Variants in DOK6 observed in about 807,000 individuals in gnomAD.
DOK6 encodes the protein downstream of tyrosine kinase 6.
In DOK6, 22 loss-of-function variants were observed where a neutral mutation model predicts 44.0. That is an observed-to-expected ratio of 0.50 (90% confidence interval 0.36 to 0.71). DOK6 has a LOEUF of 0.71. Among genes scored for constraint, DOK6 ranks in the 30% least tolerant of loss-of-function variants. DOK6 has a pLI of 0.00. For missense variants in DOK6, 340 were observed against 416.4 expected, an observed-to-expected ratio of 0.82 and a Z score of 1.60; for synonymous variants, 166 against 145.5, an observed-to-expected ratio of 1.14 and a Z score of -1.01.
intron 3 of DOK6, among the ~76,000 whole-genome samples, chr18:69,612,255 T>A (rs1984160743): frequency 1.3e-5 from 2 of 149,050 alleles, no homozygotes; most frequent in South Asian, 2.1e-4. Context: ...GCGGAAAAAA[T>A]TGTTTTCCTT....
chr18:69,420,112 T>G lies in DOK6; in HGVS notation c.66+18802T>G, dbSNP rs1303047246. ...TGTGAACATACTAAAATTTAGCTTT[T>G]TAACCAATAAAACATACAAAAAAAC... On this transcript the variant is annotated intron_variant, in intron 1 of 7. Transcript: ENST00000382713. Among the ~76,000 whole-genome samples the G allele has an allele frequency of 3.9e-5, 6 of 152,134 alleles. No individual in the cohort carries two copies. In the East Asian group the frequency reaches 1.2e-3, roughly 29 times the overall value.
At chr18:69,810,264 C>G (rs1981183498) in intron 7 of DOK6, among the ~76,000 whole-genome samples, 1 of 151,926 alleles carries the variant, frequency 6.6e-6, no homozygotes, top group South Asian at 2.1e-4. Flanking sequence ...TATCCACATG[C>G]AGAAGAATGA....
chr18:69,528,033 G>C (rs1038926957), intron 1 of DOK6, among the ~76,000 whole-genome samples: 7 of 151,768 alleles, frequency 4.6e-5, no homozygotes, highest in Admixed American at 1.3e-4. Flanking sequence ...CATGATGGTG[G>C]GTGCCTGTAG....
chr18:69,715,942 T>C (rs1473532451), intron 5 of DOK6, among the ~76,000 whole-genome samples: 4 of 152,204 alleles, frequency 2.6e-5, no homozygotes, highest in Admixed American at 2.6e-4. Flanking sequence ...ATGAAGATAA[T>C]TGGCAAAACT....
chr18:69,447,455 T>C (rs1979329092), intron 1 of DOK6, among the ~76,000 whole-genome samples: 1 of 152,214 alleles, frequency 6.6e-6, no homozygotes, highest in African/African-American at 2.4e-5. Flanking sequence ...TTGGTTACTG[T>C]AGCCTTGTAG....
chr18:69,564,546 A>G lies in DOK6; in HGVS notation c.126A>G (p.Leu42=). 1.2e-6 allele frequency: 2 copies of G among 1,613,966 alleles called. No individual in the cohort carries two copies. Among genetic ancestry groups the G allele is most frequent in the East Asian group, 2.2e-5 (1 of 44,852 alleles). The change falls in exon 2 of 8, where the codon TTA becomes TTG. Residue 42 remains leucine (L), a synonymous_variant. Transcript: ENST00000382713. The stretch of plus-strand genomic sequence containing the variant: ...CTTCTAGCAAAGGACCCAGAAGGTT[A>G]GAAAAATTTCCAGATGAAAAGGCAG... ...KKASSKGPRR[L]EKFPDEKAAY...
chr18:69,525,642 G>T (rs1981808586), intron 1 of DOK6, among the ~76,000 whole-genome samples: 1 of 151,912 alleles, frequency 6.6e-6, no homozygotes, highest in African/African-American at 2.4e-5. Context: ...TGGGAAATTT[G>T]GCAATTTCTT....
At chr18:69,550,436 AAC>A (rs1359793255) in intron 1 of DOK6, among the ~76,000 whole-genome samples, 5 of 152,218 alleles carry the variant, frequency 3.3e-5, no homozygotes, top group Non-Finnish European at 7.3e-5. Context: ...TAATTTGAGA[AAC>A]AATATATTTT....
rs957870825 is a variant in DOK6, at chr18:69,842,742, G to A, written c.*1359G>A. On this transcript the variant is annotated 3_prime_UTR_variant, in exon 8 of 8. Coordinates refer to ENST00000382713, the MANE Select transcript of DOK6 (RefSeq NM_152721.6). The stretch of plus-strand genomic sequence containing the variant: ...AGTTTGGCTAATTCAGGTCAACAAA[G>A]ATATATTTGCCCTTAATTCTGGAGT... The A allele has an allele frequency of 6.6e-6, 1 of 152,132 alleles. No homozygotes were observed. The highest frequency in any genetic ancestry group is 6.5e-5 in the Admixed American group (1 of 15,278). 9.4% of individuals were successfully genotyped at this position (152,132 alleles called of 1,614,324 possible). A position where few individuals can be genotyped will look rare whatever the true frequency, so the allele number is the denominator to read the frequency against.
intron 7 of DOK6, among the ~76,000 whole-genome samples, chr18:69,777,507 T>C (rs773080345): frequency 6.6e-6 from 1 of 152,100 alleles, no homozygotes; most frequent in East Asian, 1.9e-4. Flanking sequence ...CCAACCTCTC[T>C]TTTATCCAGG....
Position 69,703,957 on chromosome 18 carries a change from C to T in DOK6, c.599+5364C>T, listed in dbSNP as rs150195129. ...GAAGGAGAAAGAAACCTCTCAGTCC[C>T]TCTTCTCTGCCATGCGGAGGAAAGA... On this transcript the variant is annotated intron_variant, in intron 5 of 7. Transcript: ENST00000382713. Among the ~76,000 whole-genome samples the T allele has an allele frequency of 6.6e-4, 100 of 152,264 alleles. No individual in the cohort carries two copies. The South Asian group carries it at 8.5e-3, about 13-fold the overall frequency.
At chr18:69,812,600 G>A (rs1981275710) in intron 7 of DOK6, among the ~76,000 whole-genome samples, 1 of 152,106 alleles carries the variant, frequency 6.6e-6, no homozygotes, top group Non-Finnish European at 1.5e-5. Flanking sequence ...TACCTGGTTT[G>A]AATAATCAGC....
chr18:69,766,641 A>C (rs1979725244), intron 7 of DOK6, among the ~76,000 whole-genome samples: 1 of 152,172 alleles, frequency 6.6e-6, no homozygotes, highest in Non-Finnish European at 1.5e-5. Flanking sequence ...CATTAAGTGG[A>C]GGTAGATCAT....
intron 7 of DOK6, among the ~76,000 whole-genome samples, chr18:69,758,181 T>G (rs1206418424): frequency 1.3e-5 from 2 of 152,250 alleles, no homozygotes; most frequent in African/African-American, 4.8e-5. Flanking sequence ...GAGATCTGCT[T>G]CATGCTGTTG....
At chr18:69,768,206 T>C (rs977556437) in intron 7 of DOK6, among the ~76,000 whole-genome samples, 2 of 152,178 alleles carry the variant, frequency 1.3e-5, no homozygotes, top group African/African-American at 2.4e-5. Context: ...GTACATAATA[T>C]TAGTTCAGGG....
intron 1 of DOK6, among the ~76,000 whole-genome samples, chr18:69,421,699 CAA>C (rs1305016875): frequency 1.3e-5 from 2 of 152,124 alleles, no homozygotes; most frequent in African/African-American, 4.8e-5. Flanking sequence ...CTGATACAGT[CAA>C]AGTGGAAAGC....
At chr18:69,724,947 A>G (rs1201894654) in intron 5 of DOK6, 2 of 152,190 alleles carry the variant, frequency 1.3e-5, no homozygotes, top group African/African-American at 2.4e-5. Context: ...GGCTTGTAAA[A>G]CCAACATTGT....
At chr18:69,488,124 A>G in intron 1 of DOK6, among the ~76,000 whole-genome samples, 1 of 152,052 alleles carries the variant, frequency 6.6e-6, no homozygotes, top group East Asian at 1.9e-4. Context: ...ACAATCTCAT[A>G]GTGTGTTTCT....
At chr18:69,756,987 A>C (rs1456430632) in intron 6 of DOK6, among the ~76,000 whole-genome samples, 1 of 152,240 alleles carries the variant, frequency 6.6e-6, no homozygotes, top group Non-Finnish European at 1.5e-5. Context: ...TCTTGAAATT[A>C]TTTCTGCATT....
Sources: gnomAD v4.1 joint callset for allele counts (sites outside exome capture counted in the v4.1 genomes callset) on GRCh38, gnomAD v4.1.1 for gene constraint, MANE v1.5 for transcripts, NCBI Gene and HGNC (gene_info 2026-07-23, HGNC 2026-07-21) for gene names.